CC2D2A: variants seen among roughly 807,000 people sequenced by gnomAD.
CC2D2A encodes the protein coiled-coil and C2 domain containing 2A, also known as coiled-coil and C2 domain-containing protein 2A.
A neutral mutation model predicts 212.9 loss-of-function variants in CC2D2A; 155 were observed. The ratio of observed to expected loss-of-function variants is 0.73; its 90% confidence interval spans 0.64 to 0.83. The LOEUF (loss-of-function observed/expected upper bound fraction) is 0.83. CC2D2A is among the 40% of genes least tolerant of loss of function. The probability of loss-of-function intolerance (pLI) is 0.00; values close to 1 mark genes in which losing one functional copy is unlikely to be tolerated. For synonymous variants in CC2D2A, 667 were observed against 686.5 expected (o/e 0.97, Z 0.44); for missense variants, 1,856 against 1,956.2 (o/e 0.95, Z 0.97).
intron 16 of CC2D2A, among the ~76,000 whole-genome samples, chr4:15,539,826 G>A (rs1718328562): frequency 6.6e-6 from 1 of 152,034 alleles, no homozygotes; most frequent in Admixed American, 6.6e-5. Context: ...GATACTTCTT[G>A]CAAATTTGCT....
intron 20 of CC2D2A, among the ~76,000 whole-genome samples, chr4:15,555,796 ATTG>A (rs1441605621): frequency 1.3e-5 from 2 of 152,248 alleles, no homozygotes; most frequent in African/African-American, 4.8e-5. Context: ...AGCAGTAAAT[ATTG>A]TTGTTGTTGT....
intron 1 of CC2D2A, among the ~76,000 whole-genome samples, chr4:15,470,994 C>A (rs1410745318): frequency 2.0e-5 from 3 of 151,928 alleles, no homozygotes; most frequent in Admixed American, 2.0e-4. Context: ...CATGTAAATG[C>A]ACTGGTCATA....
intron 24 of CC2D2A, among the ~76,000 whole-genome samples, chr4:15,566,167 T>C (rs1719872820): frequency 6.6e-6 from 1 of 152,178 alleles, no homozygotes; most frequent in South Asian, 2.1e-4. Flanking sequence ...ACTCTCTGGA[T>C]TTGATCTTCA....
At position 15,555,127 on chromosome 4, in the gene CC2D2A, A is replaced by G. The variant is rs376403848; in HGVS notation, c.2542A>G (p.Met848Val). The G allele has an allele frequency of 6.2e-7, 1 of 1,613,878 alleles. No homozygotes were observed. Among genetic ancestry groups the G allele is most frequent in the Non-Finnish European group, 8.5e-7 (1 of 1,179,844 alleles). ...SSIGTSGLTD[M>V]KKLAKWAAES... is the part of the protein sequence containing the mutation. Reference sequence around the variant, plus strand: ...TATTGGCACATCAGGACTGACAGACATGAAAAAATTGGCCAAGTGGGCAGC... The same window carrying G: ...TATTGGCACATCAGGACTGACAGACGTGAAAAAATTGGCCAAGTGGGCAGC... Residue 848 changes from methionine (M) to valine (V), a missense_variant, in exon 20 of 37, where the codon ATG becomes GTG. Coordinates refer to ENST00000424120, the MANE Select transcript of CC2D2A (RefSeq NM_001378615.1).
intron 4 of CC2D2A, among the ~76,000 whole-genome samples, chr4:15,488,555 G>A (rs1715134187): frequency 6.6e-6 from 1 of 152,092 alleles, no homozygotes; most frequent in Admixed American, 6.5e-5. Flanking sequence ...TAGTCTTAGG[G>A]GATTTGAATG....
intron 7 of CC2D2A, 90 bp from the exon 8 acceptor site, chr4:15,511,157 C>T: frequency 7.3e-7 from 1 of 1,376,326 alleles, no homozygotes; most frequent in African/African-American, 1.5e-5. Context: ...TGCCTGATCT[C>T]ATTAGCATTA....
chr4:15,516,622 CA>C lies in CC2D2A; in HGVS notation c.1018-2del, dbSNP rs1560161050. ...GTTGCCATTCCCTCTGCTTCATCTA[CA>C]GGAAAGAAGATGGTTTGGAGATGAC... On this transcript the variant is annotated splice_acceptor_variant, in intron 10 of 36. Coordinates refer to ENST00000424120, the MANE Select transcript of CC2D2A (RefSeq NM_001378615.1). LOFTEE classifies it high-confidence loss of function. The C allele has an allele frequency of 6.2e-7, 1 of 1,610,376 alleles. No homozygotes were observed. The highest frequency in any genetic ancestry group is 1.3e-5 in the African/African-American group (1 of 74,954).
intron 4 of CC2D2A, among the ~76,000 whole-genome samples, chr4:15,489,585 C>A (rs188922984): frequency 6.6e-6 from 1 of 152,062 alleles, no homozygotes. Context: ...TCCTTTAAAG[C>A]GAACAAACAA....
At chr4:15,526,076 G>C (rs1158916917) in intron 11 of CC2D2A, among the ~76,000 whole-genome samples, 1 of 152,120 alleles carries the variant, frequency 6.6e-6, no homozygotes, top group African/African-American at 2.4e-5. Flanking sequence ...TCTAATGCTG[G>C]AATCCCCTCT....
At chr4:15,519,432 C>A in intron 11 of CC2D2A, 1 of 412,820 alleles carries the variant, frequency 2.4e-6, no homozygotes, top group Non-Finnish European at 4.8e-6. Flanking sequence ...TTCTTCTGAG[C>A]CCTCCAAACT....
chr4:15,472,256 G>C (rs1457726356), intron 1 of CC2D2A, among the ~76,000 whole-genome samples: 1 of 152,066 alleles, frequency 6.6e-6, no homozygotes, highest in Non-Finnish European at 1.5e-5. Context: ...CGCAAATTGG[G>C]GCACATACTA....
intron 1 of CC2D2A, among the ~76,000 whole-genome samples, chr4:15,471,935 A>T (rs1408007652): frequency 2.0e-5 from 3 of 152,170 alleles, no homozygotes; most frequent in Non-Finnish European, 4.4e-5. Context: ...TTCCTTGAAA[A>T]AATATATCTG....
At chr4:15,586,375 G>T (rs575259261) in intron 31 of CC2D2A, 129 bp downstream of exon 31, 116 of 524,616 alleles carry the variant, frequency 2.2e-4, no homozygotes, top group Admixed American at 3.9e-4. Flanking sequence ...TTAGTAATAT[G>T]AGCTAAATTT....
chr4:15,566,832 G>A (rs1719901752), intron 24 of CC2D2A, among the ~76,000 whole-genome samples: 1 of 152,026 alleles, frequency 6.6e-6, no homozygotes, highest in East Asian at 1.9e-4. Flanking sequence ...AAAATTAGCT[G>A]GGCATGGTGG....
chr4:15,526,481 C>T (rs891385914), intron 11 of CC2D2A, among the ~76,000 whole-genome samples: 1 of 152,092 alleles, frequency 6.6e-6, no homozygotes, highest in Non-Finnish European at 1.5e-5. Context: ...GAACATGTTA[C>T]CCATAATTTA....
intron 30 of CC2D2A, among the ~76,000 whole-genome samples, 192 bp from the exon 31 acceptor site, chr4:15,585,965 T>C (rs1720840500): frequency 6.6e-6 from 1 of 152,196 alleles, no homozygotes; most frequent in African/African-American, 2.4e-5. Flanking sequence ...CTGTAAAGAA[T>C]GGGTAATAAC....
chr4:15,486,563 G>T (rs1715013356), intron 4 of CC2D2A, among the ~76,000 whole-genome samples: 1 of 151,586 alleles, frequency 6.6e-6, no homozygotes, highest in Non-Finnish European at 1.5e-5. Context: ...TCTTAATCTG[G>T]CTAAAGTTTT....
chr4:15,566,759 C>T (rs1215643570), intron 24 of CC2D2A, among the ~76,000 whole-genome samples: 3 of 152,058 alleles, frequency 2.0e-5, no homozygotes, highest in Non-Finnish European at 2.9e-5. Context: ...ATCACTTGAA[C>T]GCAGGAGTTC....
chr4:15,532,527 T>C (rs553514874), intron 13 of CC2D2A, among the ~76,000 whole-genome samples: 7 of 152,346 alleles, frequency 4.6e-5, no homozygotes, highest in Admixed American at 2.0e-4. Context: ...TATGGAGATA[T>C]CTTCTGTCTC....
Sources: allele counts gnomAD v4.1 joint callset (sites outside exome capture counted in the v4.1 genomes callset), GRCh38; gene constraint gnomAD v4.1.1; transcripts MANE v1.5; gene names NCBI Gene and HGNC (gene_info 2026-07-23, HGNC 2026-07-21).